The following FUBP1 variants were observed in gnomAD, a reference collection of about 807,000 sequenced individuals.
The protein encoded by FUBP1 is far upstream element-binding protein 1.
Under a neutral mutation model 94.9 loss-of-function variants are expected in FUBP1, and 16 were observed. That is an observed-to-expected ratio of 0.17 (90% CI 0.11 to 0.26). The LOEUF (loss-of-function observed/expected upper bound fraction) is 0.26, where lower values mean the gene tolerates loss of function less well. Among genes scored for constraint, FUBP1 ranks in the 10% least tolerant of loss-of-function variants. The probability of loss-of-function intolerance (pLI) is 1.00; values close to 1 mark genes in which losing one functional copy is unlikely to be tolerated. For synonymous variants in FUBP1, 279 were observed against 254.9 expected, an observed-to-expected ratio of 1.09 and a Z score of -0.90; for missense variants, 583 against 808.6, an observed-to-expected ratio of 0.72 and a Z score of 3.38.
At chr1:77,949,435 C>G (rs1357835522) in intron 18 of FUBP1, 135 bp from the exon 19 acceptor site, 1 of 448,420 alleles carries the variant, frequency 2.2e-6, no homozygotes, top group Non-Finnish European at 3.9e-6. Context: ...CCTTGTTGAC[C>G]AAAAAAAAAA....
At chr1:77,978,518 T>C (rs1659180805) in intron 1 of FUBP1, among the ~76,000 whole-genome samples, 1 of 152,254 alleles carries the variant, frequency 6.6e-6, no homozygotes, top group Non-Finnish European at 1.5e-5. Flanking sequence ...ACCCTAGTTC[T>C]TTCCCAAACT....
At chr1:77,955,752 G>A (rs1654337033) in intron 17 of FUBP1, among the ~76,000 whole-genome samples, 1 of 151,418 alleles carries the variant, frequency 6.6e-6, no homozygotes. Context: ...GTGTATGTAG[G>A]TATGCATGTA....
chr1:77,950,586 C>T (rs1051707351), intron 18 of FUBP1, among the ~76,000 whole-genome samples: 1 of 152,148 alleles, frequency 6.6e-6, no homozygotes, highest in Non-Finnish European at 1.5e-5. Flanking sequence ...TGTCTGATGC[C>T]TTATTTCCCC....
At chr1:77,969,004 A>C (rs1004700920) in intron 2 of FUBP1, 2 of 1,034,638 alleles carry the variant, frequency 1.9e-6, no homozygotes, top group African/African-American at 3.3e-5. Flanking sequence ...AACACAGGTA[A>C]TAAATAAAAA....
intron 19 of FUBP1, 122 bp downstream of exon 19, chr1:77,949,033 T>A: frequency 9.8e-7 from 1 of 1,017,814 alleles, no homozygotes; most frequent in Non-Finnish European, 1.5e-6. Context: ...GTACTTCATT[T>A]AAATAGTTAT....
intron 18 of FUBP1, among the ~76,000 whole-genome samples, chr1:77,950,186 G>C (rs1183206044): frequency 1.3e-5 from 2 of 152,078 alleles, no homozygotes; most frequent in African/African-American, 4.8e-5. Context: ...TTTCAGACAG[G>C]GTCTCACTCT....
At chr1:77,970,128 G>T in intron 1 of FUBP1, 113 bp from the exon 2 acceptor site, 1 of 468,272 alleles carries the variant, frequency 2.1e-6, no homozygotes, top group East Asian at 3.5e-5. Context: ...TATCACATAA[G>T]AAAATTTACT....
At chr1:77,969,456 TA>T (rs368430326) in intron 2 of FUBP1, among the ~76,000 whole-genome samples, 5,967 of 148,164 alleles carry the variant, frequency 0.04, 133 homozygotes, top group African/African-American at 0.059. Context: ...TAAAGAACAT[TA>T]AAAAAAAAAT....
rs750149034 is a variant in FUBP1 at position 77,979,033 on chromosome 1, G to A, written c.-29C>T. On this transcript the variant is annotated 5_prime_UTR_variant, in exon 1 of 20. Transcript: ENST00000370768. Reference sequence around the variant, plus strand: ...TGCACTATAAGAGCCGCTGCCGCCTGTTCAGAGACTTCCTCTCAGCTAACA... The same window carrying A: ...TGCACTATAAGAGCCGCTGCCGCCTATTCAGAGACTTCCTCTCAGCTAACA... The A allele has an allele frequency of 6.3e-6, 10 of 1,581,750 alleles. No homozygotes were observed. In the South Asian group the frequency reaches 6.7e-5, roughly 11 times the overall value.
chr1:77,958,605 C>G (rs562976048), intron 16 of FUBP1, among the ~76,000 whole-genome samples: 65 of 152,326 alleles, frequency 4.3e-4, no homozygotes, highest in Admixed American at 3.3e-3. Context: ...TTACTTCTTG[C>G]CCAAAGGCCA....
At position 77,949,196 on chromosome 1, in the gene FUBP1, T is replaced by C; in HGVS notation, c.1885A>G (p.Thr629Ala). Residue 629 changes from threonine to alanine, a missense_variant, in exon 19 of 20, where the codon ACA becomes GCA. Physicochemically the swap from Thr to Ala is moderately conservative, Grantham distance 58. Transcript: ENST00000370768. ...TGCTGTGGCATTCCCTGGGGACTTG[T>C]CTGGGCATAATAGGCTGCTTGTTGT... ...YRQQAAYYAQ[T>A]SPQGMPQHPP... 1.2e-6 allele frequency: 2 copies of C among 1,613,698 alleles called. No homozygotes were observed. The highest frequency in any genetic ancestry group is 1.1e-5 in the South Asian group (1 of 91,076).
intron 1 of FUBP1, among the ~76,000 whole-genome samples, chr1:77,976,041 A>G (rs1334176801): frequency 6.6e-6 from 1 of 152,226 alleles, no homozygotes; most frequent in Admixed American, 6.5e-5. Flanking sequence ...CCACTGGTAC[A>G]GCCTTTGAAG....
chr1:77,958,345 T>C (rs553609473), intron 16 of FUBP1, among the ~76,000 whole-genome samples: 15 of 152,370 alleles, frequency 9.8e-5, no homozygotes, highest in African/African-American at 3.1e-4. Flanking sequence ...AAAAACTTGC[T>C]TGACATCTCA....
chr1:77,972,827 G>A (rs892056347), intron 1 of FUBP1, among the ~76,000 whole-genome samples: 3 of 151,744 alleles, frequency 2.0e-5, no homozygotes, highest in African/African-American at 4.8e-5. Context: ...TCACACTAAA[G>A]AAACAGTAAC....
chr1:77,954,360 C>G (rs1374636784), intron 18 of FUBP1, among the ~76,000 whole-genome samples: 2 of 152,102 alleles, frequency 1.3e-5, no homozygotes, highest in Admixed American at 1.3e-4. Flanking sequence ...AGCTAGGTCA[C>G]AAAAACATAA....
At position 77,963,147 on chromosome 1, in the gene FUBP1, T is replaced by C. The variant is rs115285694; in HGVS notation, c.1184-217A>G. ...TCTCTTAAAATACATTTACATTTAC[T>C]TAGTATGTTTAAACATAAACTTAAT... is the stretch of plus-strand genomic sequence containing the variant. On this transcript the variant is annotated intron_variant, in intron 13 of 19. Transcript: ENST00000370768. Among the ~76,000 whole-genome samples the C allele has an allele frequency of 6.2e-3, 947 of 152,322 alleles. 9 individuals carry two copies. Among genetic ancestry groups the C allele is most frequent in the African/African-American group, 0.021 (891 of 41,572 alleles).
At position 77,978,869 on chromosome 1, in the gene FUBP1, C is replaced by T. The variant is rs1396258342; in HGVS notation, c.120+16G>A. 2 of 1,613,580 alleles carry T rather than the reference C, an allele frequency of 1.2e-6. No individual in the cohort carries two copies. The highest frequency in any genetic ancestry group is 1.1e-5 in the South Asian group (1 of 91,070). On this transcript the variant is annotated intron_variant, in intron 1 of 19. Coordinates refer to ENST00000370768, the MANE Select transcript of FUBP1 (RefSeq NM_003902.5). ...ACCGTGAGCTTTCGGGATTCCGCCG[C>T]GCGGTCCACACTTACCTGCCGGGCT...
chr1:77,955,496 A>C (rs1161666603), intron 17 of FUBP1, 167 bp from the exon 18 acceptor site: 1 of 577,390 alleles, frequency 1.7e-6, no homozygotes, highest in Non-Finnish European at 3.1e-6. Flanking sequence ...GATAGAAGGT[A>C]CTGGGGGTAC....
chr1:77,970,721 A>C (rs945826150), intron 1 of FUBP1, among the ~76,000 whole-genome samples: 2 of 152,298 alleles, frequency 1.3e-5, no homozygotes, highest in Admixed American at 6.5e-5. Flanking sequence ...AGGGCAAATA[A>C]TTTATTGCAC....
Sources: gnomAD v4.1 joint callset for allele counts (sites outside exome capture counted in the v4.1 genomes callset) on GRCh38, gnomAD v4.1.1 for gene constraint, MANE v1.5 for transcripts, NCBI Gene and HGNC (gene_info 2026-07-23, HGNC 2026-07-21) for gene names.